The following ADAM23 variants were observed in gnomAD, a reference collection of about 807,000 sequenced individuals.
ADAM23 encodes disintegrin and metalloproteinase domain-containing protein 23.
In ADAM23, 33 loss-of-function variants were observed where a neutral mutation model predicts 120.1. That is an observed-to-expected ratio of 0.27 (90% CI 0.21 to 0.37). ADAM23 has a LOEUF of 0.37. ADAM23 is among the 10% of genes least tolerant of loss of function. The pLI is 1.00. For missense variants in ADAM23, 862 were observed against 1,058.2 expected, an observed-to-expected ratio of 0.81 and a Z score of 2.57; for synonymous variants, 367 against 375.2, an observed-to-expected ratio of 0.98 and a Z score of 0.25.
At chr2:206,584,841 A>G (rs1427818259) in intron 18 of ADAM23, among the ~76,000 whole-genome samples, 2 of 152,082 alleles carry the variant, frequency 1.3e-5, no homozygotes, top group African/African-American at 4.8e-5. Flanking sequence ...TCCTCTGGCC[A>G]CCTTCCCGTT....
At position 206,616,901 on chromosome 2, in the gene ADAM23, T is replaced by A. The variant is rs13401530; in HGVS notation, c.2451-678T>A. ...AGCCACTTTTTAGGAGACTGGACAC[T>A]GTGAGCAAAGCATTTTAACTTGCCG... On this transcript the variant is annotated intron_variant, in intron 25 of 25. Coordinates refer to ENST00000264377, the MANE Select transcript of ADAM23 (RefSeq NM_003812.4). Among the ~76,000 whole-genome samples the A allele has an allele frequency of 3.6e-3, 552 of 152,310 alleles. 4 individuals carry two copies. Among genetic ancestry groups the A allele is most frequent in the African/African-American group, 0.013 (532 of 41,562 alleles).
chr2:206,481,168 G>T, intron 2 of ADAM23, 64 bp from the exon 3 acceptor site: 1 of 1,265,658 alleles, frequency 7.9e-7, no homozygotes, highest in South Asian at 1.4e-5. Context: ...TATCATTCTT[G>T]ATAATAATCT....
chr2:206,576,926 A>G (rs1698127642), intron 18 of ADAM23, among the ~76,000 whole-genome samples: 2 of 152,176 alleles, frequency 1.3e-5, no homozygotes, highest in Non-Finnish European at 2.9e-5. Flanking sequence ...GGGTAGTATA[A>G]CATAATTTAA....
At chr2:206,454,697 G>T (rs754330512) in intron 2 of ADAM23, among the ~76,000 whole-genome samples, 3 of 152,182 alleles carry the variant, frequency 2.0e-5, no homozygotes, top group Admixed American at 2.0e-4. Flanking sequence ...GTGGGTAAAT[G>T]CTCCCATTCC....
chr2:206,592,803 C>G, intron 22 of ADAM23, 67 bp downstream of exon 22: 1 of 1,507,766 alleles, frequency 6.6e-7, no homozygotes, highest in Non-Finnish European at 9.0e-7. Flanking sequence ...AATGAAATTT[C>G]AAAAAAATCA....
intron 25 of ADAM23, among the ~76,000 whole-genome samples, chr2:206,614,435 G>C (rs915424876): frequency 6.6e-6 from 1 of 152,088 alleles, no homozygotes; most frequent in Admixed American, 6.5e-5. Context: ...TGGACAGATC[G>C]CCTGAGGACA....
chr2:206,611,033 T>C (rs879354681), intron 25 of ADAM23, among the ~76,000 whole-genome samples: 6 of 152,244 alleles, frequency 3.9e-5, no homozygotes, highest in Admixed American at 2.6e-4. Flanking sequence ...TTATATGTTT[T>C]ATATTTGGGA....
At chr2:206,599,056 T>C (rs999825844) in intron 24 of ADAM23, among the ~76,000 whole-genome samples, 4 of 151,298 alleles carry the variant, frequency 2.6e-5, no homozygotes, top group Admixed American at 1.3e-4. Flanking sequence ...AATACAAAAA[T>C]TAGCCGGGCA....
At chr2:206,604,216 A>C (rs1008706622) in intron 24 of ADAM23, among the ~76,000 whole-genome samples, 1 of 152,164 alleles carries the variant, frequency 6.6e-6, no homozygotes, top group Non-Finnish European at 1.5e-5. Context: ...CAGTGAGCTG[A>C]GATCATGCCA....
intron 13 of ADAM23, 114 bp downstream of exon 13, chr2:206,562,407 A>G: frequency 1.4e-6 from 1 of 703,262 alleles, no homozygotes; most frequent in Non-Finnish European, 2.3e-6. Flanking sequence ...ATTGTAGTAT[A>G]TCTCCTTCCT....
chr2:206,548,269 T>C lies in ADAM23; in HGVS notation c.794-12T>C, dbSNP rs202118098. The C allele has an allele frequency of 6.2e-7, 1 of 1,610,970 alleles. No homozygotes were observed. The highest frequency in any genetic ancestry group is 8.5e-7 in the Non-Finnish European group (1 of 1,178,996). On this transcript the variant is annotated splice_polypyrimidine_tract_variant and intron_variant, in intron 7 of 25. Coordinates refer to ENST00000264377, the MANE Select transcript of ADAM23 (RefSeq NM_003812.4). ...AGCATAAAATTTTGATACTAATTTT[T>C]CCTTTCTGCAGCTATGGAAAGAGGT...
intron 4 of ADAM23, among the ~76,000 whole-genome samples, chr2:206,532,351 A>G (rs1697081947): frequency 6.6e-6 from 1 of 151,840 alleles, no homozygotes; most frequent in Non-Finnish European, 1.5e-5. Context: ...AAAGAAACAG[A>G]ATAGCTAATT....
intron 2 of ADAM23, among the ~76,000 whole-genome samples, chr2:206,478,164 G>T (rs1356164191): frequency 1.3e-5 from 2 of 151,722 alleles, no homozygotes; most frequent in South Asian, 4.1e-4. Context: ...AATCTGTACT[G>T]TCTAAGCACT....
chr2:206,597,531 C>T (rs1347031429), intron 24 of ADAM23, among the ~76,000 whole-genome samples: 1 of 152,008 alleles, frequency 6.6e-6, no homozygotes, highest in Admixed American at 6.6e-5. Flanking sequence ...CATTATTCTC[C>T]CGATTCTCAA....
chr2:206,600,572 C>T (rs2105856833), intron 24 of ADAM23, among the ~76,000 whole-genome samples: 1 of 152,294 alleles, frequency 6.6e-6, no homozygotes, highest in African/African-American at 2.4e-5. Flanking sequence ...TTCTATGACT[C>T]CGTCTTCACT....
chr2:206,570,639 C>T (rs1373811831), intron 15 of ADAM23, 101 bp from the exon 16 acceptor site: 2 of 847,458 alleles, frequency 2.4e-6, no homozygotes, highest in African/African-American at 3.3e-5. Context: ...AAGAATATCA[C>T]ATGATAGCTG....
intron 2 of ADAM23, among the ~76,000 whole-genome samples, chr2:206,473,342 A>G (rs1257819414): frequency 6.6e-6 from 1 of 152,158 alleles, no homozygotes; most frequent in Non-Finnish European, 1.5e-5. Flanking sequence ...AGCTCTCTCC[A>G]GCCCCCAGCA....
At chr2:206,611,943 T>C (rs1698834939) in intron 25 of ADAM23, among the ~76,000 whole-genome samples, 1 of 152,216 alleles carries the variant, frequency 6.6e-6, no homozygotes, top group Non-Finnish European at 1.5e-5. Flanking sequence ...GTTGTTGCTG[T>C]GTAGGGACCT....
intron 2 of ADAM23, among the ~76,000 whole-genome samples, chr2:206,457,940 G>A (rs943731322): frequency 1.3e-5 from 2 of 152,058 alleles, no homozygotes; most frequent in African/African-American, 2.4e-5. Flanking sequence ...TAAACTTTTT[G>A]TCAGCATGTG....
Sources: gnomAD v4.1 joint callset for allele counts (sites outside exome capture counted in the v4.1 genomes callset) on GRCh38, gnomAD v4.1.1 for gene constraint, MANE v1.5 for transcripts, NCBI Gene and HGNC (gene_info 2026-07-23, HGNC 2026-07-21) for gene names.